Variants in DOCK1 observed in about 807,000 individuals in gnomAD.
DOCK1 encodes the protein dedicator of cytokinesis 1.
DOCK1 carries 138 observed loss-of-function variants against 262.7 expected under a neutral mutation model. That is an observed-to-expected ratio of 0.53 (90% CI 0.46 to 0.61). The LOEUF is 0.61. Among genes scored for constraint, DOCK1 ranks in the 20% least tolerant of loss-of-function variants. The probability of loss-of-function intolerance (pLI) is 0.00; values close to 1 mark genes in which losing one functional copy is unlikely to be tolerated. For missense variants in DOCK1, 1,908 were observed against 2,370.7 expected, an observed-to-expected ratio of 0.80 and a Z score of 4.05; for synonymous variants, 866 against 867.4, an observed-to-expected ratio of 1.00 and a Z score of 0.03.
At chr10:127,017,046 CACACACACACACAGATGCAGACACCATAA>C (rs2042001271) in intron 12 of DOCK1, among the ~76,000 whole-genome samples, 3 of 143,582 alleles carry the variant, frequency 2.1e-5, no homozygotes, top group South Asian at 2.3e-4. Context: ...CACACACACA[CACACACACACACAGATGCAGACACCATAA>C]ACACAGATAC....
At chr10:127,362,839 A>C (rs114359584) in intron 33 of DOCK1, among the ~76,000 whole-genome samples, 2 of 7,516 alleles carry the variant, frequency 2.7e-4, no homozygotes, top group Non-Finnish European at 5.2e-4. Context: ...CCACACATAC[A>C]CACACACACA....
intron 23 of DOCK1, among the ~76,000 whole-genome samples, chr10:127,078,491 C>T (rs888622670): frequency 1.3e-5 from 2 of 151,966 alleles, no homozygotes; most frequent in African/African-American, 4.8e-5. Context: ...TTCAGGCTGC[C>T]TCCATCAGCT....
rs760648165 is a variant in DOCK1, at chr10:127,409,149, G to T, written c.4235G>T (p.Gly1412Val). ...AAAATGAAGACAACATCTCCACCAG[G>T]CGACGATATTAAAAACTCTCCTGGC... ...AEKMKTTSPP[G>V]DDIKNSPGQY... Residue 1412 changes from glycine to valine, a missense_variant, in exon 41 of 52, where the codon GGC (glycine) becomes GTC (valine). By Grantham distance (109) the Gly-to-Val change is moderately radical (BLOSUM62 -3). This residue lies in a region of DOCK1 where 267 missense variants were observed against 366.3 expected (regional missense o/e 0.73). Transcript: ENST00000623213. The T allele has an allele frequency of 6.2e-7, 1 of 1,613,130 alleles. No homozygotes were observed. The highest frequency in any genetic ancestry group is 8.5e-7 in the Non-Finnish European group (1 of 1,179,596).
chr10:127,249,958 C>CT (rs1564934073), intron 28 of DOCK1, among the ~76,000 whole-genome samples: 1 of 152,154 alleles, frequency 6.6e-6, no homozygotes, highest in African/African-American at 2.4e-5. Context: ...AACCTGTATC[C>CT]TGTTTATATC....
chr10:127,132,420 C>T (rs559098523), intron 27 of DOCK1, among the ~76,000 whole-genome samples: 1 of 152,230 alleles, frequency 6.6e-6, no homozygotes, highest in East Asian at 1.9e-4. Context: ...TGCCACAGAA[C>T]AAAAAGGTCA....
intron 22 of DOCK1, among the ~76,000 whole-genome samples, chr10:127,059,922 A>G (rs2045420841): frequency 6.6e-6 from 1 of 152,164 alleles, no homozygotes; most frequent in Non-Finnish European, 1.5e-5. Context: ...TCTTCCAGAG[A>G]TAATTCATCC....
chr10:127,173,058 G>A (rs1328842638), intron 27 of DOCK1, among the ~76,000 whole-genome samples: 7 of 152,048 alleles, frequency 4.6e-5, no homozygotes, highest in African/African-American at 1.7e-4. Flanking sequence ...CTGTGTGCCG[G>A]GCATATAGGG....
chr10:127,109,457 C>T (rs967678464), intron 24 of DOCK1, among the ~76,000 whole-genome samples: 3 of 152,168 alleles, frequency 2.0e-5, no homozygotes, highest in Admixed American at 6.5e-5. Flanking sequence ...AGTATATTTA[C>T]GAAGATGTGC....
At chr10:127,343,875 T>A in intron 31 of DOCK1, 129 bp downstream of exon 31, 3 of 749,920 alleles carry the variant, frequency 4.0e-6, no homozygotes, top group Non-Finnish European at 6.4e-6. Flanking sequence ...AGGGTGGTTT[T>A]AAATCACCAA....
At chr10:127,256,663 C>T (rs2134936006) in intron 28 of DOCK1, among the ~76,000 whole-genome samples, 1 of 152,278 alleles carries the variant, frequency 6.6e-6, no homozygotes, top group South Asian at 2.1e-4. Context: ...AGGCACATTC[C>T]ATGGAAGCAG....
intron 19 of DOCK1, among the ~76,000 whole-genome samples, chr10:127,040,003 G>T (rs532603418): frequency 3.0e-4 from 46 of 152,216 alleles, no homozygotes; most frequent in African/African-American, 1.1e-3. Context: ...CTGCAGCTCC[G>T]CAGCCCAATA....
At chr10:127,113,439 C>T (rs2048988183) in intron 25 of DOCK1, among the ~76,000 whole-genome samples, 1 of 152,202 alleles carries the variant, frequency 6.6e-6, no homozygotes, top group Non-Finnish European at 1.5e-5. Flanking sequence ...CCACTGGTTG[C>T]TTTGCACTAA....
intron 2 of DOCK1, among the ~76,000 whole-genome samples, chr10:126,971,162 T>C (rs2038080854): frequency 6.6e-6 from 1 of 151,902 alleles, no homozygotes; most frequent in Non-Finnish European, 1.5e-5. Context: ...GTGACTCTCA[T>C]GCTTTAGCCT....
chr10:127,126,644 ACATAC>A (rs1443946178), intron 26 of DOCK1, among the ~76,000 whole-genome samples: 1 of 152,126 alleles, frequency 6.6e-6, no homozygotes, highest in Non-Finnish European at 1.5e-5. Flanking sequence ...TTCACTCCCA[ACATAC>A]CATTCCTGTT....
At chr10:127,134,004 A>G (rs1041476615) in intron 27 of DOCK1, among the ~76,000 whole-genome samples, 9 of 152,264 alleles carry the variant, frequency 5.9e-5, no homozygotes, top group African/African-American at 1.9e-4. Flanking sequence ...GCCCTGATTC[A>G]TAATGAAATC....
rs1296568480 is a variant in DOCK1, at chr10:127,175,424, C to G, written c.2847+47660C>G. ...TCCCCAGCCCCGGCGGGGTGTGAGTCTGCGACGGCTGCTCACTACATTCGG... is the reference window on the plus strand; with the variant it reads ...TCCCCAGCCCCGGCGGGGTGTGAGTGTGCGACGGCTGCTCACTACATTCGG... On this transcript the variant is annotated intron_variant, in intron 27 of 51. Transcript: ENST00000623213. The surrounding 1 kb of genome is among the most constrained non-coding windows in gnomAD (Gnocchi z 6.3). 4 of 1,613,032 alleles carry G rather than the reference C, an allele frequency of 2.5e-6. No homozygotes were observed. Among genetic ancestry groups the G allele is most frequent in the Non-Finnish European group, 3.4e-6 (4 of 1,180,042 alleles).
intron 23 of DOCK1, among the ~76,000 whole-genome samples, chr10:127,086,616 T>TA (rs1045034386): frequency 7.2e-5 from 11 of 152,082 alleles, no homozygotes; most frequent in Admixed American, 5.9e-4. Context: ...AACAGTTAAT[T>TA]AAAAAAAACT....
At chr10:127,430,871 G>A (rs1020512032) in intron 47 of DOCK1, among the ~76,000 whole-genome samples, 1 of 152,152 alleles carries the variant, frequency 6.6e-6, no homozygotes, top group Admixed American at 6.5e-5. Flanking sequence ...CAGCTCAGCC[G>A]GGAGACAGCG....
At chr10:127,058,865 A>G (rs552912499) in intron 22 of DOCK1, among the ~76,000 whole-genome samples, 2 of 152,212 alleles carry the variant, frequency 1.3e-5, no homozygotes, top group East Asian at 3.9e-4. Context: ...TTTATATTCC[A>G]TAAGACATTA....
Sources: gnomAD v4.1 joint callset for allele counts (sites outside exome capture counted in the v4.1 genomes callset) on GRCh38, gnomAD v4.1.1 for gene constraint, gnomAD v4.1.1 regional missense constraint, Gnocchi (gnomAD v3.1) non-coding constraint, MANE v1.5 for transcripts, NCBI Gene and HGNC (gene_info 2026-07-23, HGNC 2026-07-21) for gene names.